Variants in DGKI observed in about 807,000 individuals in gnomAD.
DGKI encodes the protein diacylglycerol kinase iota.
A neutral mutation model predicts 147.5 loss-of-function variants in DGKI; 55 were observed. The ratio of observed to expected loss-of-function variants is 0.37; its 90% confidence interval spans 0.30 to 0.47. The LOEUF is 0.47. Ranked by LOEUF, DGKI falls within the 20% of genes least tolerant of loss-of-function variation. The probability of loss-of-function intolerance (pLI) is 1.00; values close to 1 mark genes in which losing one functional copy is unlikely to be tolerated. For synonymous variants in DGKI, 469 were observed against 477.1 expected, an observed-to-expected ratio of 0.98 and a Z score of 0.22; for missense variants, 1,007 against 1,323.8, an observed-to-expected ratio of 0.76 and a Z score of 3.71.
chr7:137,821,813 G>A (rs1797910396), intron 1 of DGKI, among the ~76,000 whole-genome samples: 1 of 152,144 alleles, frequency 6.6e-6, no homozygotes, highest in Non-Finnish European at 1.5e-5. Context: ...AAAAGAGGTG[G>A]GGTCACCCCA....
intron 27 of DGKI, among the ~76,000 whole-genome samples, chr7:137,458,125 C>A (rs1918841): frequency 6.6e-6 from 1 of 152,162 alleles, no homozygotes; most frequent in Admixed American, 6.5e-5. Flanking sequence ...GTGCCCAATA[C>A]TGATTTGTTC....
chr7:137,621,790 A>T (rs899612718), intron 7 of DGKI, among the ~76,000 whole-genome samples: 1 of 152,156 alleles, frequency 6.6e-6, no homozygotes, highest in Non-Finnish European at 1.5e-5. Flanking sequence ...TGAGTTTCCA[A>T]ATTAATTGAA....
chr7:137,526,414 G>C (rs1307166038), intron 20 of DGKI, among the ~76,000 whole-genome samples: 4 of 143,588 alleles, frequency 2.8e-5, no homozygotes, highest in Non-Finnish European at 6.1e-5. Flanking sequence ...TAAGCCGACA[G>C]GTTTAGGTCA....
intron 8 of DGKI, 80 bp from the exon 9 acceptor site, chr7:137,609,689 AC>A: frequency 1.0e-6 from 1 of 963,924 alleles, no homozygotes; most frequent in Non-Finnish European, 1.6e-6. Flanking sequence ...GTAGAAGATG[AC>A]GGCAGCGCAT....
At chr7:137,708,028 T>C (rs1229915670) in intron 1 of DGKI, among the ~76,000 whole-genome samples, 2 of 152,202 alleles carry the variant, frequency 1.3e-5, no homozygotes, top group Non-Finnish European at 2.9e-5. Context: ...TGACAGCAGA[T>C]ATGGCATCAG....
chr7:137,660,904 C>T lies in DGKI; in HGVS notation c.607-4364G>A, dbSNP rs545207845. On this transcript the variant is annotated intron_variant, in intron 3 of 32. Transcript: ENST00000614521. ...GGAGGAAAGGAGAAGAGGGGTGGGT[C>T]CTTCAGGGCCTGGGGTTAGCTACTT... Among the ~76,000 whole-genome samples the T allele has an allele frequency of 3.4e-4, 51 of 152,020 alleles. 1 individual carries two copies. In the South Asian group the frequency reaches 0.01, roughly 31 times the overall value.
intron 6 of DGKI, among the ~76,000 whole-genome samples, chr7:137,627,148 C>T (rs1372854331): frequency 6.6e-6 from 1 of 152,180 alleles, no homozygotes; most frequent in Non-Finnish European, 1.5e-5. Context: ...AACCTACCCC[C>T]ATTTCATATA....
In DGKI at chr7:137,463,529, C is replaced by T. The variant is rs1285697718; in HGVS notation, c.2695G>A (p.Asp899Asn). 11 of 1,614,038 alleles carry T rather than the reference C, an allele frequency of 6.8e-6. No homozygotes were observed. The highest frequency in any genetic ancestry group is 1.7e-5 in the Admixed American group (1 of 60,006). ...TGGCTGAGATCTTTCAGATCTGAGT[C>T]CTCATAATAGGGAGCTATCATCCCC... ...GLGMIAPYYE[D>N]SDLKDLSHSR... The change falls in exon 27 of 33, where the codon GAC (aspartate) becomes AAC (asparagine). Residue 899 changes from aspartate to asparagine, a missense_variant. Physicochemically the swap from Asp to Asn is conservative, Grantham distance 23 (BLOSUM62 1). Transcript: ENST00000614521.
intron 3 of DGKI, 84 bp from the exon 4 acceptor site, chr7:137,656,624 A>G (rs1261983559): frequency 1.2e-5 from 15 of 1,214,740 alleles, no homozygotes; most frequent in Non-Finnish European, 1.3e-5. Flanking sequence ...GGGCATATAT[A>G]ATAAATACAT....
chr7:137,760,458 C>G (rs1795823443), intron 1 of DGKI, among the ~76,000 whole-genome samples: 1 of 152,188 alleles, frequency 6.6e-6, no homozygotes, highest in Non-Finnish European at 1.5e-5. Context: ...ATCTTCGTCC[C>G]CTTCTTTCCC....
chr7:137,671,245 A>G (rs548952678), intron 3 of DGKI, among the ~76,000 whole-genome samples: 1 of 152,318 alleles, frequency 6.6e-6, no homozygotes, highest in Non-Finnish European at 1.5e-5. Context: ...ATATTGTGAT[A>G]CCCCGTTACA....
At chr7:137,807,509 C>T (rs1211230407) in intron 1 of DGKI, among the ~76,000 whole-genome samples, 1 of 152,182 alleles carries the variant, frequency 6.6e-6, no homozygotes, top group East Asian at 1.9e-4. Flanking sequence ...CAGGAGAGCG[C>T]TAAATAGGGC....
intron 23 of DGKI, among the ~76,000 whole-genome samples, chr7:137,472,250 ACAT>A (rs1440431144): frequency 1.9e-5 from 2 of 103,964 alleles, no homozygotes. Flanking sequence ...GTATATATAC[ACAT>A]AATATTATAT....
At chr7:137,434,454 G>A (rs914424894) in intron 28 of DGKI, among the ~76,000 whole-genome samples, 20 of 151,772 alleles carry the variant, frequency 1.3e-4, no homozygotes, top group African/African-American at 4.6e-4. Flanking sequence ...GGTGGTGCAC[G>A]CCTGTAATCC....
At chr7:137,768,997 A>G (rs1489391864) in intron 1 of DGKI, among the ~76,000 whole-genome samples, 1 of 152,204 alleles carries the variant, frequency 6.6e-6, no homozygotes, top group African/African-American at 2.4e-5. Context: ...CAGTCACTAT[A>G]AGAGATTTCT....
At chr7:137,722,320 A>T (rs2116621284) in intron 1 of DGKI, 1 of 1,612,734 alleles carries the variant, frequency 6.2e-7, no homozygotes, top group East Asian at 2.2e-5. Context: ...ACTTCGCAAA[A>T]TGCCTAGATA....
At chr7:137,533,163 A>C (rs834079) in intron 20 of DGKI, among the ~76,000 whole-genome samples, 33,015 of 151,852 alleles carry the variant, frequency 0.22, 6,239 homozygotes, top group African/African-American at 0.51. Context: ...GTGGCATGCA[A>C]CTGTTGTCCT....
chr7:137,751,837 C>T (rs552618410), intron 1 of DGKI, among the ~76,000 whole-genome samples: 1 of 152,164 alleles, frequency 6.6e-6, no homozygotes, highest in South Asian at 2.1e-4. Flanking sequence ...TTGACCTGTA[C>T]GCTGTCATTT....
intron 1 of DGKI, among the ~76,000 whole-genome samples, chr7:137,830,055 G>A (rs1307458724): frequency 6.6e-6 from 1 of 152,278 alleles, no homozygotes; most frequent in Non-Finnish European, 1.5e-5. Context: ...AAAGGGCATG[G>A]CATCTGAAAT....
Sources: gnomAD v4.1 joint callset for allele counts (sites outside exome capture counted in the v4.1 genomes callset) on GRCh38, gnomAD v4.1.1 for gene constraint, MANE v1.5 for transcripts, NCBI Gene and HGNC (gene_info 2026-07-23, HGNC 2026-07-21) for gene names.